PDZRN4: variants seen among roughly 807,000 people sequenced by gnomAD.
PDZRN4 encodes PDZ domain-containing RING finger protein 4.
A neutral mutation model predicts 99.0 loss-of-function variants in PDZRN4; 70 were observed. That is an observed-to-expected ratio of 0.71 (90% CI 0.58 to 0.86). The LOEUF is 0.86. Among genes scored for constraint, PDZRN4 ranks in the 40% least tolerant of loss-of-function variants. PDZRN4 has a pLI of 0.00. For synonymous variants in PDZRN4, 551 were observed against 501.6 expected (o/e 1.10, Z -1.32); for missense variants, 1,474 against 1,331.2 (o/e 1.11, Z -1.67).
chr12:41,338,531 C>T (rs544476320), intron 3 of PDZRN4, among the ~76,000 whole-genome samples: 10 of 151,142 alleles, frequency 6.6e-5, no homozygotes, highest in African/African-American at 1.7e-4. Context: ...ATTGGTTTTT[C>T]GAAAAGATAA....
chr12:41,402,122 TATATATATATATATATATAC>T (rs1952293994), intron 3 of PDZRN4, among the ~76,000 whole-genome samples: 3 of 38,014 alleles, frequency 7.9e-5, no homozygotes, highest in African/African-American at 4.7e-4. Flanking sequence ...TGAGTATATA[TATATATATATATATATATAC>T]ACACACTGAG....
chr12:41,423,322 T>A (rs1012831045), intron 3 of PDZRN4, among the ~76,000 whole-genome samples: 23 of 151,772 alleles, frequency 1.5e-4, no homozygotes, highest in Non-Finnish European at 1.5e-5. Context: ...CAGGCCCCAG[T>A]GTGTGATGTT....
chr12:41,275,643 G>A (rs1001645721), intron 3 of PDZRN4, among the ~76,000 whole-genome samples: 2 of 151,692 alleles, frequency 1.3e-5, no homozygotes, highest in African/African-American at 2.4e-5. Flanking sequence ...AATTTTATAA[G>A]AGTATACTGT....
chr12:41,337,762 G>A (rs534847697), intron 3 of PDZRN4, among the ~76,000 whole-genome samples: 1 of 152,200 alleles, frequency 6.6e-6, no homozygotes, highest in Admixed American at 6.5e-5. Flanking sequence ...CAAAGATGAG[G>A]ATGAAGTCAT....
intron 3 of PDZRN4, among the ~76,000 whole-genome samples, chr12:41,438,305 G>A (rs1952649029): frequency 6.6e-6 from 1 of 152,106 alleles, no homozygotes; most frequent in South Asian, 2.1e-4. Context: ...GTAATATTTT[G>A]AGATATCTCT....
At chr12:41,507,458 G>A (rs1272915047) in intron 4 of PDZRN4, among the ~76,000 whole-genome samples, 1 of 152,066 alleles carries the variant, frequency 6.6e-6, no homozygotes, top group Non-Finnish European at 1.5e-5. Context: ...AGTCTCCTTA[G>A]CCTGCATTTT....
chr12:41,359,112 A>C (rs748196811), intron 3 of PDZRN4, among the ~76,000 whole-genome samples: 5 of 151,824 alleles, frequency 3.3e-5, no homozygotes, highest in Non-Finnish European at 5.9e-5. Context: ...TGGCCTTTAC[A>C]TTTCTCGTTC....
intron 3 of PDZRN4, among the ~76,000 whole-genome samples, chr12:41,388,564 A>G (rs1161570781): frequency 6.6e-6 from 1 of 152,166 alleles, no homozygotes; most frequent in Non-Finnish European, 1.5e-5. Flanking sequence ...TGTTTTGAGA[A>G]TAGACTGTAA....
At chr12:41,452,964 A>G (rs1293878471) in intron 3 of PDZRN4, among the ~76,000 whole-genome samples, 1 of 151,990 alleles carries the variant, frequency 6.6e-6, no homozygotes, top group East Asian at 1.9e-4. Context: ...AAATGAAGGT[A>G]GTCGGACTGG....
chr12:41,354,113 G>A (rs573536472), intron 3 of PDZRN4, among the ~76,000 whole-genome samples: 232 of 152,232 alleles, frequency 1.5e-3, no homozygotes, highest in Non-Finnish European at 2.7e-3. Flanking sequence ...GGTTGAGTTT[G>A]AGTAGACGCA....
chr12:41,451,177 A>AC (rs1046962823), intron 3 of PDZRN4, among the ~76,000 whole-genome samples: 10 of 151,044 alleles, frequency 6.6e-5, no homozygotes, highest in African/African-American at 2.4e-4. Flanking sequence ...TTAGATTTAA[A>AC]AAAAAAAAAC....
intron 3 of PDZRN4, among the ~76,000 whole-genome samples, chr12:41,471,412 G>A (rs537927817): frequency 1.1e-4 from 16 of 152,166 alleles, no homozygotes; most frequent in Non-Finnish European, 1.9e-4. Flanking sequence ...TATTAGGATA[G>A]CTGAATTTAG....
intron 3 of PDZRN4, among the ~76,000 whole-genome samples, chr12:41,200,342 G>A (rs1481636764): frequency 6.6e-6 from 1 of 152,100 alleles, no homozygotes; most frequent in Non-Finnish European, 1.5e-5. Flanking sequence ...TTCCAACTAG[G>A]TGGTCATCGT....
intron 2 of PDZRN4, among the ~76,000 whole-genome samples, chr12:41,191,997 C>T (rs1480190031): frequency 1.3e-5 from 2 of 151,752 alleles, no homozygotes; most frequent in African/African-American, 4.8e-5. Context: ...TGGCCAGGCT[C>T]GTTTTGAACT....
At chr12:41,420,454 C>T (rs776725489) in intron 3 of PDZRN4, among the ~76,000 whole-genome samples, 7 of 152,066 alleles carry the variant, frequency 4.6e-5, no homozygotes, top group Non-Finnish European at 2.9e-5. Flanking sequence ...CTGCTGCCTC[C>T]ACCTCATTAT....
chr12:41,402,688 A>G (rs1952312786), intron 3 of PDZRN4, among the ~76,000 whole-genome samples: 1 of 135,774 alleles, frequency 7.4e-6, no homozygotes, highest in Non-Finnish European at 1.6e-5. Flanking sequence ...TATACTGAGT[A>G]TATACATATA....
rs561603026 is a variant in PDZRN4 at position 41,489,942 on chromosome 12, A to G, written c.844-16514A>G. 7.2e-4 allele frequency among the ~76,000 whole-genome samples: 109 copies of G among 152,260 alleles called. 1 individual carries two copies. Among genetic ancestry groups the G allele is most frequent in the African/African-American group, 2.0e-3 (85 of 41,564 alleles). The stretch of plus-strand genomic sequence containing the variant: ...TTTGATAAGTAATTTTGCTGAAAAC[A>G]TATTGAGTTTAAATTAACAACCATT... On this transcript the variant is annotated intron_variant, in intron 3 of 9. Transcript: ENST00000402685.
At chr12:41,476,200 A>G (rs999905280) in intron 3 of PDZRN4, among the ~76,000 whole-genome samples, 9 of 152,220 alleles carry the variant, frequency 5.9e-5, no homozygotes, top group African/African-American at 2.2e-4. Context: ...TTGAAATAAA[A>G]ATTACCTCCC....
chr12:41,548,636 G>A (rs868835447), intron 5 of PDZRN4, among the ~76,000 whole-genome samples: 3 of 152,120 alleles, frequency 2.0e-5, no homozygotes, highest in Non-Finnish European at 4.4e-5. Context: ...GGCATGCATG[G>A]GCCTAAGGGT....
Sources: gnomAD v4.1 joint callset for allele counts (sites outside exome capture counted in the v4.1 genomes callset) on GRCh38, gnomAD v4.1.1 for gene constraint, MANE v1.5 for transcripts, NCBI Gene and HGNC (gene_info 2026-07-23, HGNC 2026-07-21) for gene names.